GDAP2: variants seen among roughly 807,000 people sequenced by gnomAD.
GDAP2 encodes ganglioside induced differentiation associated protein 2, also known as ganglioside-induced differentiation-associated protein 2.
A neutral mutation model predicts 67.0 loss-of-function variants in GDAP2; 51 were observed. The ratio of observed to expected loss-of-function variants is 0.76; its 90% CI spans 0.61 to 0.96. The LOEUF (loss-of-function observed/expected upper bound fraction) is 0.96. Ranked by LOEUF, GDAP2 falls within the 40% of genes least tolerant of loss-of-function variation. GDAP2 has a pLI of 0.00. For synonymous variants in GDAP2, 203 were observed against 207.3 expected, an observed-to-expected ratio of 0.98 and a Z score of 0.18; for missense variants, 547 against 588.3, an observed-to-expected ratio of 0.93 and a Z score of 0.73.
intron 12 of GDAP2, among the ~76,000 whole-genome samples, chr1:117,880,547 C>G (rs1274687826): frequency 6.6e-6 from 1 of 152,084 alleles, no homozygotes; most frequent in Admixed American, 6.6e-5. Flanking sequence ...AAAAATAGAT[C>G]TTAGCATTTT....
intron 5 of GDAP2, among the ~76,000 whole-genome samples, chr1:117,910,124 C>A (rs1165478885): frequency 6.6e-6 from 1 of 151,928 alleles, no homozygotes; most frequent in African/African-American, 2.4e-5. Context: ...TAGTCTTCCA[C>A]TGAAGCAGTT....
At chr1:117,888,343 C>T (rs1339429665) in intron 8 of GDAP2, among the ~76,000 whole-genome samples, 1 of 152,108 alleles carries the variant, frequency 6.6e-6, no homozygotes, top group Non-Finnish European at 1.5e-5. Flanking sequence ...ATTTAATCAT[C>T]AGTTAGTCAA....
chr1:117,883,619 T>C lies in GDAP2; in HGVS notation c.1116A>G (p.Leu372=), dbSNP rs757065430. 29 of 1,600,348 alleles carry C rather than the reference T, an allele frequency of 1.8e-5. No individual in the cohort carries two copies. In the Admixed American group the frequency reaches 1.8e-4, roughly 10 times the overall value. ...VTLIDMDKAL[L]YFIHVMDHIA... is the part of the protein sequence containing the mutation. The stretch of plus-strand genomic sequence containing the variant: ...TGTGATCCATTACATGAATGAAATA[T>C]AAGAGAGCCTAAAAGATAAAAGGGG... Residue 372 remains leucine, a synonymous_variant, in exon 11 of 14, where the codon TTA becomes TTG. Coordinates refer to ENST00000369443, the MANE Select transcript of GDAP2 (RefSeq NM_017686.4).
chr1:117,869,759 G>C lies in GDAP2; in HGVS notation c.*810C>G, dbSNP rs1446818867. The C allele has an allele frequency of 6.6e-6, 1 of 152,584 alleles. No individual in the cohort carries two copies. Among genetic ancestry groups the C allele is most frequent in the African/African-American group, 2.4e-5 (1 of 41,442 alleles). The allele number at this position is 152,584 out of a possible 1,614,324, so 9.5% of individuals were successfully genotyped here. On this transcript the variant is annotated 3_prime_UTR_variant, in exon 14 of 14. Transcript: ENST00000369443. ...GCTAAACAAAATCATTCATGACTCT[G>C]GAAGACAACACACTCTCTAAATGCT... is the stretch of plus-strand genomic sequence containing the variant.
intron 10 of GDAP2, among the ~76,000 whole-genome samples, chr1:117,885,841 T>A (rs1648834945): frequency 6.6e-6 from 1 of 152,190 alleles, no homozygotes; most frequent in Admixed American, 6.5e-5. Flanking sequence ...ACTGATGTGC[T>A]AGGATTCTCT....
rs568846624 is a variant in GDAP2, at chr1:117,883,466, A to G, written c.1247+22T>C. On this transcript the variant is annotated intron_variant, in intron 11 of 13. Coordinates refer to ENST00000369443, the MANE Select transcript of GDAP2 (RefSeq NM_017686.4). ...AAAAGAAAGAAACTATTTCCCCTTC[A>G]TAATTTGCAAAAATAACTAACTTGA... 4 of 1,585,580 alleles carry G rather than the reference A, an allele frequency of 2.5e-6. No homozygotes were observed. In the South Asian group the frequency reaches 4.5e-5, roughly 18 times the overall value.
At chr1:117,900,959 C>T (rs1649449084) in intron 6 of GDAP2, among the ~76,000 whole-genome samples, 1 of 152,026 alleles carries the variant, frequency 6.6e-6, no homozygotes, top group Admixed American at 6.6e-5. Context: ...ACTTGGGAGG[C>T]TGAGGCAAGA....
At chr1:117,916,998 C>T (rs1202654976) in intron 3 of GDAP2, among the ~76,000 whole-genome samples, 1 of 150,126 alleles carries the variant, frequency 6.7e-6, no homozygotes, top group Non-Finnish European at 1.5e-5. Flanking sequence ...CACACCACTG[C>T]ACTCTAGCCT....
chr1:117,871,265 A>G (rs1648248031), intron 13 of GDAP2, among the ~76,000 whole-genome samples: 1 of 152,196 alleles, frequency 6.6e-6, no homozygotes, highest in African/African-American at 2.4e-5. Context: ...CAAACCTTTA[A>G]TGTCAATGTA....
rs1339601702 is a variant in GDAP2 at position 117,920,400 on chromosome 1, A to G, written c.-43T>C. 7.9e-7 allele frequency: 1 copy of G among 1,260,988 alleles called. No homozygotes were observed. Among genetic ancestry groups the G allele is most frequent in the Admixed American group, 2.0e-5 (1 of 49,918 alleles). 78.1% of individuals were successfully genotyped at this position (1,260,988 alleles called of 1,614,324 possible). ...TTGTCTTTTCCCAAAATCCTCAGCA[A>G]TTCAATATTCACTGGAGACTTTAGC... is the stretch of plus-strand genomic sequence containing the variant. On this transcript the variant is annotated 5_prime_UTR_variant, in exon 2 of 14. Transcript: ENST00000369443.
chr1:117,882,307 A>G lies in GDAP2; in HGVS notation c.1248-430T>C, dbSNP rs74815633. On this transcript the variant is annotated intron_variant, in intron 11 of 13. Coordinates refer to ENST00000369443, the MANE Select transcript of GDAP2 (RefSeq NM_017686.4). Reference sequence around the variant, plus strand: ...TGTTGTAACAATCTGTTATAATAACAATATTATAACAGAATTTGCTGTGCC... The same window carrying G: ...TGTTGTAACAATCTGTTATAATAACGATATTATAACAGAATTTGCTGTGCC... Among the ~76,000 whole-genome samples the G allele has an allele frequency of 6.8e-3, 1,035 of 152,252 alleles. 9 individuals carry two copies. Among genetic ancestry groups the G allele is most frequent in the African/African-American group, 0.023 (971 of 41,540 alleles).
rs1040749945 is a variant in GDAP2, at chr1:117,869,328, G to A, written c.*1241C>T. The A allele has an allele frequency of 2.0e-5, 3 of 152,156 alleles. No homozygotes were observed. Among genetic ancestry groups the A allele is most frequent in the Non-Finnish European group, 4.4e-5 (3 of 68,026 alleles). The allele number at this position is 152,156 out of a possible 1,614,324, so 9.4% of individuals were successfully genotyped here. On this transcript the variant is annotated 3_prime_UTR_variant, in exon 14 of 14. Coordinates refer to ENST00000369443, the MANE Select transcript of GDAP2 (RefSeq NM_017686.4). ...ATCAGGGGATGAGCAGGCCAGAAGAGATTCTGGACAAAAGAGGAAGGAGGT... is the reference window on the plus strand; with the variant it reads ...ATCAGGGGATGAGCAGGCCAGAAGAAATTCTGGACAAAAGAGGAAGGAGGT...
At chr1:117,876,590 A>G (rs759902106) in intron 13 of GDAP2, among the ~76,000 whole-genome samples, 35 of 152,328 alleles carry the variant, frequency 2.3e-4, no homozygotes, top group Middle Eastern at 6.8e-3. Flanking sequence ...CCAATGAGCC[A>G]AGTGTTAGAT....
At chr1:117,900,021 T>C (rs549794104) in intron 6 of GDAP2, among the ~76,000 whole-genome samples, 3 of 152,194 alleles carry the variant, frequency 2.0e-5, no homozygotes, top group Non-Finnish European at 4.4e-5. Context: ...TAAATACATA[T>C]ATAAGATTGC....
chr1:117,920,559 A>T (rs1357301568), intron 1 of GDAP2, 135 bp from the exon 2 acceptor site: 4 of 383,096 alleles, frequency 1.0e-5, no homozygotes, highest in Non-Finnish European at 1.9e-5. Flanking sequence ...TAAAAAGTCC[A>T]TTAAAAACAA....
chr1:117,915,092 T>C (rs1216985590), intron 3 of GDAP2, among the ~76,000 whole-genome samples: 1 of 152,150 alleles, frequency 6.6e-6, no homozygotes, highest in Non-Finnish European at 1.5e-5. Flanking sequence ...GTCAAACTGT[T>C]ATCTTCACTC....
At chr1:117,927,785 G>A (rs1016802985) in intron 1 of GDAP2, among the ~76,000 whole-genome samples, 19 of 152,064 alleles carry the variant, frequency 1.2e-4, no homozygotes, top group Admixed American at 9.2e-4. Flanking sequence ...CAATGGCTTG[G>A]GTCAAATTTA....
At chr1:117,926,852 A>T (rs1334132397) in intron 1 of GDAP2, among the ~76,000 whole-genome samples, 1 of 152,196 alleles carries the variant, frequency 6.6e-6, no homozygotes, top group Non-Finnish European at 1.5e-5. Flanking sequence ...TTAAGTGACA[A>T]AGGGAGGAGG....
intron 13 of GDAP2, 64 bp downstream of exon 13, chr1:117,877,945 G>C (rs761473601): frequency 1.9e-6 from 3 of 1,567,864 alleles, no homozygotes; most frequent in Non-Finnish European, 2.6e-6. Context: ...GTGCTCGTAA[G>C]TGCTGCTCTA....
Sources: gnomAD v4.1 joint callset for allele counts (sites outside exome capture counted in the v4.1 genomes callset) on GRCh38, gnomAD v4.1.1 for gene constraint, MANE v1.5 for transcripts, NCBI Gene and HGNC (gene_info 2026-07-23, HGNC 2026-07-21) for gene names.